CDHR3: variants seen among roughly 807,000 people sequenced by gnomAD.
The protein encoded by CDHR3 is cadherin related family member 3.
A neutral mutation model predicts 86.6 loss-of-function variants in CDHR3; 79 were observed. The observed-to-expected ratio is 0.91, with a 90% CI of 0.76 to 1.10. The LOEUF is 1.10. Ranked by LOEUF, CDHR3 falls within the 50% of genes least tolerant of loss-of-function variation. The pLI is 0.00. For synonymous variants in CDHR3, 421 were observed against 402.4 expected, an observed-to-expected ratio of 1.05 and a Z score of -0.55; for missense variants, 1,081 against 1,077.6, an observed-to-expected ratio of 1.00 and a Z score of -0.04.
rs1438844836 is a variant in CDHR3, at chr7:106,015,197, C to A, written c.1311C>A (p.Ala437=). Residue 437 remains alanine, a synonymous_variant, in exon 10 of 19, where the codon GCC becomes GCA. Coordinates refer to ENST00000317716, the MANE Select transcript of CDHR3 (RefSeq NM_152750.5). The part of the protein sequence containing the change: ...YTVIIQVQDV[A]PPYYKNNVYV... ...TGATAATCCAGGTGCAGGATGTGGC[C>A]CCCCCTTACTATAAAAGCAAGTATC... The A allele has an allele frequency of 1.2e-6, 2 of 1,608,700 alleles. No homozygotes were observed. The highest frequency in any genetic ancestry group is 1.7e-6 in the Non-Finnish European group (2 of 1,177,666).
chr7:105,966,185 G>T (rs771217752), intron 1 of CDHR3, among the ~76,000 whole-genome samples: 2 of 152,186 alleles, frequency 1.3e-5, no homozygotes, highest in African/African-American at 2.4e-5. Context: ...GAAGATGAAG[G>T]ACATAGAGAA....
Position 106,029,548 on chromosome 7 carries a change from GTC to G in CDHR3, c.2304+996_2304+997del, listed in dbSNP as rs59823993. On this transcript the variant is annotated intron_variant, in intron 17 of 18. Coordinates refer to ENST00000317716, the MANE Select transcript of CDHR3 (RefSeq NM_152750.5). ...GGAAAGTTCCCTCTCCTCCACCTCT[GTC>G]TCTCTCTCTCTCTCTCTCTCTCTCT... is the stretch of plus-strand genomic sequence containing the variant. 4.0e-3 allele frequency among the ~76,000 whole-genome samples: 585 copies of G among 146,732 alleles called. 5 individuals are homozygous for G. Among genetic ancestry groups the G allele is most frequent in the African/African-American group, 8.7e-3 (346 of 39,976 alleles).
In CDHR3 at chr7:106,029,793, T is replaced by C. The variant is rs577472021; in HGVS notation, c.2305-999T>C. ...TCCATCCCCTAAGTCTTCTATGTTC[T>C]GGCCAGTGTACAAACAGGAAAAGAG... On this transcript the variant is annotated intron_variant, in intron 17 of 18. Coordinates refer to ENST00000317716, the MANE Select transcript of CDHR3 (RefSeq NM_152750.5). Among the ~76,000 whole-genome samples the C allele has an allele frequency of 2.6e-5, 4 of 152,246 alleles. No individual in the cohort carries two copies. In the South Asian group the frequency reaches 8.3e-4, roughly 31 times the overall value.
chr7:105,996,060 C>A (rs1392433988), intron 5 of CDHR3, among the ~76,000 whole-genome samples, 190 bp from the exon 6 acceptor site: 1 of 152,078 alleles, frequency 6.6e-6, no homozygotes, highest in Non-Finnish European at 1.5e-5. Context: ...TGAGAAGCAG[C>A]CAGCGGGTTT....
intron 6 of CDHR3, among the ~76,000 whole-genome samples, chr7:105,998,500 G>A (rs1206084901): frequency 2.0e-5 from 3 of 152,186 alleles, no homozygotes; most frequent in Admixed American, 2.0e-4. Context: ...TATTATAAAA[G>A]CACCTGACAC....
intron 16 of CDHR3, among the ~76,000 whole-genome samples, chr7:106,027,329 G>A (rs1263351841): frequency 2.6e-5 from 4 of 151,804 alleles, no homozygotes; most frequent in African/African-American, 9.7e-5. Flanking sequence ...CCCAGCAGGT[G>A]GAGGTTGCTG....
At chr7:106,013,169 A>T in intron 9 of CDHR3, 138 bp downstream of exon 9, 1 of 686,946 alleles carries the variant, frequency 1.5e-6, no homozygotes, top group Non-Finnish European at 2.3e-6. Context: ...CTTAATAGTG[A>T]GTCTGTGTTC....
intron 11 of CDHR3, among the ~76,000 whole-genome samples, chr7:106,016,877 C>G (rs17152471): frequency 6.3e-4 from 96 of 152,292 alleles, no homozygotes; most frequent in South Asian, 2.7e-3. Flanking sequence ...ACAGATCTTA[C>G]TGCAGTTCTT....
Position 105,974,901 on chromosome 7 carries a change from C to T in CDHR3, c.104C>T (p.Ser35Phe), listed in dbSNP as rs764191938. The part of the protein sequence containing the change: ...LPATGNVAEN[S>F]PPGTSVHKFS... ...GCTACAGGCAATGTGGCAGAGAATT[C>T]TCCACCTGGGACTTCAGTGCACAAG... is the stretch of plus-strand genomic sequence containing the variant. The change falls in exon 2 of 19, where the codon TCT (serine) becomes TTT (phenylalanine). Residue 35 changes from serine to phenylalanine, a missense_variant. Coordinates refer to ENST00000317716, the MANE Select transcript of CDHR3 (RefSeq NM_152750.5). 6.2e-7 allele frequency: 1 copy of T among 1,613,908 alleles called. No individual in the cohort carries two copies. Among genetic ancestry groups the T allele is most frequent in the Non-Finnish European group, 8.5e-7 (1 of 1,179,820 alleles).
chr7:105,980,333 G>A (rs537123849), intron 2 of CDHR3, among the ~76,000 whole-genome samples: 38 of 152,248 alleles, frequency 2.5e-4, no homozygotes, highest in Admixed American at 9.8e-4. Flanking sequence ...GCAACCTTAC[G>A]CGTAATATAA....
rs368274712 is a variant in CDHR3 at position 106,017,869 on chromosome 7, C to T, written c.1450C>T (p.Arg484Ter). ...AGCCAGAACCCGAGTGGGACAGGTG[C>T]GAGCCACTGATAAAGACCTCCCCCA... is the stretch of plus-strand genomic sequence containing the variant. Reference protein sequence around the residue: ...RPARTRVGQVRATDKDLPQSS... With the variant: ...RPARTRVGQV Residue 484 changes from arginine (R) to a stop codon, truncating the protein, a stop_gained, in exon 12 of 19, where the codon CGA (arginine) becomes TGA (stop). Coordinates refer to ENST00000317716, the MANE Select transcript of CDHR3 (RefSeq NM_152750.5). LOFTEE classifies it high-confidence loss of function. The T allele has an allele frequency of 1.3e-5, 20 of 1,588,190 alleles. No individual in the cohort carries two copies. The highest frequency in any genetic ancestry group is 1.2e-4 in the African/African-American group (9 of 74,048).
rs1023728584 is a variant in CDHR3 at position 106,011,448 on chromosome 7, A to C, written c.1053-1412A>C. On this transcript the variant is annotated intron_variant, in intron 8 of 18. Coordinates refer to ENST00000317716, the MANE Select transcript of CDHR3 (RefSeq NM_152750.5). ...CCTCCTAGAAGATGAGGACAAGAAG[A>C]AGCAGAAATCAAGCACCTTCCCACC... Among the ~76,000 whole-genome samples, 6 of 152,094 alleles carry C rather than the reference A, an allele frequency of 3.9e-5. 1 individual carries two copies. In the South Asian group the frequency reaches 8.3e-4, roughly 21 times the overall value.
At chr7:105,971,694 A>G (rs1208815686) in intron 1 of CDHR3, among the ~76,000 whole-genome samples, 1 of 152,176 alleles carries the variant, frequency 6.6e-6, no homozygotes, top group Non-Finnish European at 1.5e-5. Flanking sequence ...GCTTCTCTAC[A>G]GTCCCCAGCT....
intron 15 of CDHR3, among the ~76,000 whole-genome samples, chr7:106,025,681 T>A (rs1466272239): frequency 6.6e-6 from 1 of 152,204 alleles, no homozygotes; most frequent in African/African-American, 2.4e-5. Flanking sequence ...AACTGTCAAA[T>A]AAGAAAATCT....
At chr7:106,006,410 C>T (rs190531836) in intron 8 of CDHR3, among the ~76,000 whole-genome samples, 9 of 152,246 alleles carry the variant, frequency 5.9e-5, no homozygotes, top group Admixed American at 6.5e-5. Context: ...AAGTCTCATC[C>T]GAGACAAGGC....
At chr7:106,002,614 G>A (rs1046481941) in intron 7 of CDHR3, among the ~76,000 whole-genome samples, 2 of 152,130 alleles carry the variant, frequency 1.3e-5, no homozygotes, top group African/African-American at 4.8e-5. Context: ...CTCAAAGGCA[G>A]GTGTGTAAGG....
intron 4 of CDHR3, among the ~76,000 whole-genome samples, chr7:105,990,251 C>T (rs1480756119): frequency 2.0e-5 from 3 of 152,318 alleles, no homozygotes; most frequent in South Asian, 2.1e-4. Flanking sequence ...CATTTGTCAT[C>T]GTGTCTCTTC....
chr7:106,007,060 G>A (rs957845071), intron 8 of CDHR3, among the ~76,000 whole-genome samples: 6 of 152,356 alleles, frequency 3.9e-5, no homozygotes, highest in African/African-American at 1.2e-4. Flanking sequence ...AAGCTGGCAA[G>A]GCTTGGGGCT....
At position 106,036,129 on chromosome 7, in the gene CDHR3, T is replaced by C. The variant is rs151126572; in HGVS notation, c.*3432T>C. On this transcript the variant is annotated 3_prime_UTR_variant, in exon 19 of 19. Transcript: ENST00000317716. ...TGAAACTGCATAGTAGATTGTGACA[T>C]TGGAGCTTTTTGTTGTGCTCATTAG... is the stretch of plus-strand genomic sequence containing the variant. The C allele has an allele frequency of 3.3e-4, 50 of 152,316 alleles. No individual in the cohort carries two copies. The highest frequency in any genetic ancestry group is 1.1e-3 in the African/African-American group (47 of 41,558). The allele number at this position is 152,316 out of a possible 1,614,324, so 9.4% of individuals were successfully genotyped here.
Sources: allele counts gnomAD v4.1 joint callset (sites outside exome capture counted in the v4.1 genomes callset), GRCh38; gene constraint gnomAD v4.1.1; transcripts MANE v1.5; gene names NCBI Gene and HGNC (gene_info 2026-07-23, HGNC 2026-07-21).